The following NRXN3 variants were observed in gnomAD, a reference collection of about 807,000 sequenced individuals.
NRXN3 encodes the protein neurexin 3.
A neutral mutation model predicts 137.6 loss-of-function variants in NRXN3; 32 were observed. That is an observed-to-expected ratio of 0.23 (90% CI 0.18 to 0.31). The LOEUF (loss-of-function observed/expected upper bound fraction) is 0.31, where lower values mean the gene tolerates loss of function less well. Ranked by LOEUF, NRXN3 falls within the 10% of genes least tolerant of loss-of-function variation. The pLI is 1.00. For missense variants in NRXN3, 1,574 were observed against 2,062.5 expected (o/e 0.76, Z 4.59); for synonymous variants, 798 against 784.5 (o/e 1.02, Z -0.29).
At chr14:78,564,305 T>C (rs1180127005) in intron 4 of NRXN3, among the ~76,000 whole-genome samples, 2 of 152,196 alleles carry the variant, frequency 1.3e-5, no homozygotes, top group East Asian at 3.8e-4. Flanking sequence ...GTGAAGGTTA[T>C]AGTGTTTGGC....
At chr14:78,473,096 G>C (rs536477123) in intron 4 of NRXN3, among the ~76,000 whole-genome samples, 13 of 152,040 alleles carry the variant, frequency 8.6e-5, no homozygotes, top group Admixed American at 2.6e-4. Flanking sequence ...CTGTTACCAA[G>C]GCTCTTTAAA....
In NRXN3 at chr14:79,773,525, A is replaced by G. The variant is rs1285667372; in HGVS notation, c.4015-31587A>G. ...TCATCATTCTCAGTAAACTATCGCA[A>G]GAACAAACAACCAAACACCGCATAT... On this transcript the variant is annotated intron_variant, in intron 19 of 20. Coordinates refer to ENST00000335750, the MANE Select transcript of NRXN3 (RefSeq NM_001330195.2). Among the ~76,000 whole-genome samples the G allele has an allele frequency of 4.6e-5, 7 of 151,602 alleles. No homozygotes were observed. In the East Asian group the frequency reaches 1.4e-3, roughly 30 times the overall value.
intron 18 of NRXN3, among the ~76,000 whole-genome samples, chr14:79,695,463 T>A (rs1245862669): frequency 1.3e-5 from 2 of 151,924 alleles, no homozygotes; most frequent in African/African-American, 2.4e-5. Flanking sequence ...CTCTTGGCAT[T>A]AGGCTGTCTA....
At chr14:78,890,648 C>T (rs1402853146) in intron 10 of NRXN3, among the ~76,000 whole-genome samples, 1 of 151,692 alleles carries the variant, frequency 6.6e-6, no homozygotes, top group Admixed American at 6.6e-5. Context: ...TTGACATTTT[C>T]CAGTTACAAA....
At chr14:78,957,178 A>G (rs2099398413) in intron 10 of NRXN3, 64 bp from the exon 11 acceptor site, 1 of 1,585,464 alleles carries the variant, frequency 6.3e-7, no homozygotes. Flanking sequence ...GGTTTTGACA[A>G]CCCTGATGCA....
intron 10 of NRXN3, among the ~76,000 whole-genome samples, chr14:78,866,956 C>T (rs772168125): frequency 6.6e-6 from 1 of 151,836 alleles, no homozygotes; most frequent in Non-Finnish European, 1.5e-5. Context: ...CACCACCATG[C>T]CCGGCTAATT....
chr14:78,920,666 G>T (rs2099268521), intron 10 of NRXN3, among the ~76,000 whole-genome samples: 1 of 152,124 alleles, frequency 6.6e-6, no homozygotes, highest in African/African-American at 2.4e-5. Flanking sequence ...CCACAGTTTT[G>T]TGCAGCTGAC....
intron 15 of NRXN3, among the ~76,000 whole-genome samples, chr14:79,296,462 C>T (rs1313580433): frequency 6.7e-6 from 1 of 148,744 alleles, no homozygotes; most frequent in African/African-American, 2.5e-5. Context: ...AAAAAAAAAC[C>T]AGATGTTCCA....
intron 15 of NRXN3, among the ~76,000 whole-genome samples, chr14:79,170,035 A>G (rs1332286274): frequency 6.6e-6 from 1 of 152,154 alleles, no homozygotes; most frequent in Non-Finnish European, 1.5e-5. Flanking sequence ...TTCTCCGAGA[A>G]TAGTCTTCCA....
At chr14:78,234,997 TATATATA>T (rs1567036989) in intron 1 of NRXN3, among the ~76,000 whole-genome samples, 2 of 23,894 alleles carry the variant, frequency 8.4e-5, no homozygotes, top group African/African-American at 6.4e-4. Flanking sequence ...AATGCTTTTA[TATATATA>T]TATATATATA....
chr14:78,589,412 T>C (rs369532080), intron 4 of NRXN3, among the ~76,000 whole-genome samples: 6 of 152,198 alleles, frequency 3.9e-5, no homozygotes, highest in African/African-American at 1.2e-4. Context: ...ATGAAGCTTC[T>C]GGAAGGGCTA....
chr14:78,215,694 C>A lies in NRXN3; in HGVS notation c.-703-26697C>A, dbSNP rs907102456. Among the ~76,000 whole-genome samples, 8 of 142,760 alleles carry A rather than the reference C, an allele frequency of 5.6e-5. No individual in the cohort carries two copies. In the East Asian group the frequency reaches 1.6e-3, roughly 29 times the overall value. 93.7% of individuals were successfully genotyped at this position (142,760 alleles called of 152,430 possible). On this transcript the variant is annotated intron_variant, in intron 1 of 20. Transcript: ENST00000335750. Reference sequence around the variant, plus strand: ...GACTAGGAAGCACCCTTGTCCACAGCTGTTTCCTGCCGCTGCTTTGTTGGT... The same window carrying A: ...GACTAGGAAGCACCCTTGTCCACAGATGTTTCCTGCCGCTGCTTTGTTGGT...
intron 20 of NRXN3, chr14:79,853,462 A>G (rs2099396152): frequency 3.0e-6 from 2 of 676,492 alleles, no homozygotes; most frequent in Non-Finnish European, 4.3e-6. Flanking sequence ...TCAGTGTTAG[A>G]GTTCTGTTCT....
At chr14:79,781,596 G>T (rs2099114049) in intron 19 of NRXN3, among the ~76,000 whole-genome samples, 1 of 152,196 alleles carries the variant, frequency 6.6e-6, no homozygotes, top group Non-Finnish European at 1.5e-5. Flanking sequence ...ATGTAAGAAA[G>T]AACTTGATCC....
At chr14:79,547,601 A>G (rs953336448) in intron 16 of NRXN3, among the ~76,000 whole-genome samples, 17 of 152,154 alleles carry the variant, frequency 1.1e-4, no homozygotes, top group African/African-American at 4.1e-4. Context: ...GGGAAGGAGC[A>G]AGCACAGCAG....
At chr14:79,039,945 C>T (rs1262950130) in intron 15 of NRXN3, among the ~76,000 whole-genome samples, 1 of 152,148 alleles carries the variant, frequency 6.6e-6, no homozygotes, top group African/African-American at 2.4e-5. Context: ...CTCAAATGAT[C>T]TTCCTGCCTC....
chr14:78,192,816 G>A (rs10143894), intron 1 of NRXN3, among the ~76,000 whole-genome samples: 71,816 of 151,974 alleles, frequency 0.47, 17,334 homozygotes, highest in Middle Eastern at 0.54. Context: ...GGAGGTGTTA[G>A]CCACTGAGCT....
chr14:79,731,594 A>G (rs1007878114), intron 19 of NRXN3, among the ~76,000 whole-genome samples: 2 of 151,922 alleles, frequency 1.3e-5, no homozygotes, highest in South Asian at 4.1e-4. Flanking sequence ...AAATATTTCT[A>G]ACTAGTGAAC....
At chr14:79,339,246 A>G (rs183589341) in intron 15 of NRXN3, among the ~76,000 whole-genome samples, 64 of 152,342 alleles carry the variant, frequency 4.2e-4, no homozygotes, top group African/African-American at 1.4e-3. Flanking sequence ...GTAAAGTGTG[A>G]CCTAGGAAAA....
Sources: allele counts gnomAD v4.1 joint callset (sites outside exome capture counted in the v4.1 genomes callset), GRCh38; gene constraint gnomAD v4.1.1; transcripts MANE v1.5; gene names NCBI Gene and HGNC (gene_info 2026-07-23, HGNC 2026-07-21).